Variants in NF1 observed in about 807,000 individuals in gnomAD.
NF1 encodes the protein neurofibromin 1.
In NF1, 122 loss-of-function variants were observed where a neutral mutation model predicts 325.7. That is an observed-to-expected ratio of 0.37 (90% CI 0.32 to 0.44). NF1 has a LOEUF of 0.44. NF1 is among the 20% of genes least tolerant of loss of function. NF1 has a pLI of 1.00. For missense variants in NF1, 2,140 were observed against 3,415.4 expected (o/e 0.63, Z 9.31); for synonymous variants, 1,091 against 1,186.0 (o/e 0.92, Z 1.65).
chr17:31,263,026 G>T (rs1387734869), intron 35 of NF1, among the ~76,000 whole-genome samples: 1 of 78,428 alleles, frequency 1.3e-5, no homozygotes, highest in African/African-American at 4.1e-5. Flanking sequence ...TTATTAGATA[G>T]ATAGATAGAT....
intron 35 of NF1, among the ~76,000 whole-genome samples, chr17:31,262,801 A>G (rs1363009912): frequency 6.6e-6 from 1 of 152,190 alleles, no homozygotes; most frequent in African/African-American, 2.4e-5. Flanking sequence ...TTAGTGTAAC[A>G]AATGTTTATT....
rs1296165385 is a variant in NF1, at chr17:31,268,624, T to TA, written c.4835+3303dup. On this transcript the variant is annotated intron_variant, in intron 36 of 57. Transcript: ENST00000358273. ...CCTGGTGACAGAGCAAGACTCTGTC[T>TA]AAAAAAAAAAAAAAAAAAGTGACCA... is the stretch of plus-strand genomic sequence containing the variant. Among the ~76,000 whole-genome samples the TA allele has an allele frequency of 3.9e-3, 459 of 118,258 alleles. 2 individuals carry two copies. The highest frequency in any genetic ancestry group is 6.8e-3 in the East Asian group (27 of 3,970). The allele number at this position is 118,258 out of a possible 152,430, so 77.6% of individuals were successfully genotyped here.
At chr17:31,184,620 A>G (rs2066200249) in intron 8 of NF1, among the ~76,000 whole-genome samples, 1 of 149,354 alleles carries the variant, frequency 6.7e-6, no homozygotes, top group Non-Finnish European at 1.5e-5. Flanking sequence ...ACTGCACTCC[A>G]GCCTGGGCGA....
At chr17:31,123,891 T>G (rs1172251712) in intron 1 of NF1, among the ~76,000 whole-genome samples, 1 of 152,208 alleles carries the variant, frequency 6.6e-6, no homozygotes, top group East Asian at 1.9e-4. Flanking sequence ...TTTTTCTCTT[T>G]TCTATTATTT....
chr17:31,098,669 C>G (rs956596579), intron 1 of NF1, among the ~76,000 whole-genome samples: 3 of 152,178 alleles, frequency 2.0e-5, no homozygotes, highest in African/African-American at 7.2e-5. Context: ...CGCGGCGGCT[C>G]ACGCCTGTGA....
At chr17:31,235,412 A>G (rs1490392768) in intron 27 of NF1, among the ~76,000 whole-genome samples, 199 bp from the exon 28 acceptor site, 4 of 152,364 alleles carry the variant, frequency 2.6e-5, no homozygotes, top group South Asian at 2.1e-4. Context: ...ATTAACAGCT[A>G]TCATAGACAT....
intron 1 of NF1, among the ~76,000 whole-genome samples, chr17:31,096,869 TATA>T (rs376183417): frequency 6.0e-4 from 91 of 152,316 alleles, no homozygotes; most frequent in Non-Finnish European, 1.1e-3. Flanking sequence ...CCATCTGAAG[TATA>T]ATGTTACTGC....
At chr17:31,249,208 G>A (rs1256529382) in intron 30 of NF1, 89 bp downstream of exon 30, 3 of 1,414,904 alleles carry the variant, frequency 2.1e-6, no homozygotes, top group East Asian at 4.6e-5. Context: ...TGCTGATGGT[G>A]TGTGGTTAAC....
At chr17:31,171,478 C>T (rs1382681108) in intron 5 of NF1, among the ~76,000 whole-genome samples, 3 of 151,966 alleles carry the variant, frequency 2.0e-5, no homozygotes, top group Admixed American at 1.3e-4. Context: ...AAGTCTAGTC[C>T]AGGTTGCCTG....
intron 57 of NF1, among the ~76,000 whole-genome samples, chr17:31,373,050 T>C (rs2151600182): frequency 6.6e-6 from 1 of 152,314 alleles, no homozygotes; most frequent in East Asian, 1.9e-4. Context: ...GGCCCAGGTT[T>C]TGGAGGTTTA....
chr17:31,263,945 G>A (rs1296068506), intron 35 of NF1, among the ~76,000 whole-genome samples: 20 of 152,064 alleles, frequency 1.3e-4, no homozygotes, highest in Admixed American at 1.3e-3. Flanking sequence ...CTATGCACAT[G>A]TACATTTGTT....
At chr17:31,223,011 G>A (rs1187164614) in intron 15 of NF1, among the ~76,000 whole-genome samples, 2 of 152,148 alleles carry the variant, frequency 1.3e-5, no homozygotes, top group East Asian at 1.9e-4. Context: ...GTGAATGAAC[G>A]GGCATGGCTG....
intron 36 of NF1, among the ~76,000 whole-genome samples, chr17:31,284,985 T>G (rs1240227579): frequency 1.3e-5 from 2 of 151,934 alleles, no homozygotes; most frequent in Non-Finnish European, 2.9e-5. Flanking sequence ...CCGGGCATGC[T>G]TTGCGCGCCT....
intron 36 of NF1, among the ~76,000 whole-genome samples, chr17:31,271,607 G>A (rs771209140): frequency 6.6e-6 from 1 of 151,866 alleles, no homozygotes; most frequent in African/African-American, 2.4e-5. Flanking sequence ...AAAATTAATC[G>A]AGCGTGGTGG....
At chr17:31,248,584 G>C (rs1295188450) in intron 29 of NF1, among the ~76,000 whole-genome samples, 1 of 151,824 alleles carries the variant, frequency 6.6e-6, no homozygotes, top group Non-Finnish European at 1.5e-5. Context: ...ATCCAAGCTG[G>C]AGTGCAGTGG....
At chr17:31,106,751 T>C (rs1176342708) in intron 1 of NF1, among the ~76,000 whole-genome samples, 2 of 152,230 alleles carry the variant, frequency 1.3e-5, no homozygotes, top group African/African-American at 2.4e-5. Context: ...TTATCAAAAC[T>C]TCTTCAGCTG....
chr17:31,125,789 G>A (rs1353694729), intron 1 of NF1, among the ~76,000 whole-genome samples: 2 of 152,056 alleles, frequency 1.3e-5, no homozygotes, highest in African/African-American at 2.4e-5. Flanking sequence ...GTCCACCTCC[G>A]TCTCCTGAAG....
At chr17:31,148,377 T>G (rs1214827374) in intron 1 of NF1, among the ~76,000 whole-genome samples, 1 of 149,530 alleles carries the variant, frequency 6.7e-6, no homozygotes, top group African/African-American at 2.4e-5. Context: ...TGACAAGATG[T>G]TCCGGGGTCA....
rs1288056326 is a variant in NF1, at chr17:31,226,439, G to C, written c.2006G>C (p.Ser669Thr). ...TCTTCCACCCTTGACTCTCAGGATAGTGCAGCAGGATGCAGCGGAACCCCC... is the reference window on the plus strand; with the variant it reads ...TCTTCCACCCTTGACTCTCAGGATACTGCAGCAGGATGCAGCGGAACCCCC... Reference protein sequence around the residue: ...RKGKGNSSMDSAAGCSGTPPI... With the variant: ...RKGKGNSSMDTAAGCSGTPPI... The change falls in exon 18 of 58, where the codon AGT becomes ACT. Residue 669 changes from serine to threonine, a missense_variant. Around this residue, in one of 10 missense-constraint regions of NF1, gnomAD observed 380 missense variants for 639.3 expected, o/e 0.59. Coordinates refer to ENST00000358273, the MANE Select transcript of NF1 (RefSeq NM_001042492.3). 6.2e-7 allele frequency: 1 copy of C among 1,613,176 alleles called. No individual in the cohort carries two copies. The highest frequency in any genetic ancestry group is 8.5e-7 in the Non-Finnish European group (1 of 1,179,722).
Sources: gnomAD v4.1 joint callset for allele counts (sites outside exome capture counted in the v4.1 genomes callset) on GRCh38, gnomAD v4.1.1 for gene constraint, gnomAD v4.1.1 regional missense constraint, MANE v1.5 for transcripts, NCBI Gene and HGNC (gene_info 2026-07-23, HGNC 2026-07-21) for gene names.